The following PDE9A variants were observed in gnomAD, a reference collection of about 807,000 sequenced individuals.
PDE9A encodes high affinity cGMP-specific 3',5'-cyclic phosphodiesterase 9A.
PDE9A carries 60 observed loss-of-function variants against 87.4 expected under a neutral mutation model. The observed-to-expected ratio is 0.69, with a 90% CI of 0.56 to 0.85. The LOEUF is 0.85. Among genes scored for constraint, PDE9A ranks in the 40% least tolerant of loss-of-function variants. PDE9A has a pLI of 0.00. For missense variants in PDE9A, 665 were observed against 779.0 expected, an observed-to-expected ratio of 0.85 and a Z score of 1.74; for synonymous variants, 272 against 279.4, an observed-to-expected ratio of 0.97 and a Z score of 0.27.
chr21:42,657,066 G>A (rs1444353310), intron 1 of PDE9A, among the ~76,000 whole-genome samples: 1 of 152,258 alleles, frequency 6.6e-6, no homozygotes, highest in Non-Finnish European at 1.5e-5. Flanking sequence ...GGGTGGGCCA[G>A]CCCCGTGTGG....
chr21:42,769,234 C>G (rs1355164010), intron 17 of PDE9A, 79 bp downstream of exon 17: 1 of 1,315,944 alleles, frequency 7.6e-7, no homozygotes, highest in Non-Finnish European at 1.1e-6. Context: ...CACATATACA[C>G]ATATGCACAC....
chr21:42,769,134 A>C lies in PDE9A; in HGVS notation c.1569A>C (p.Pro523=), dbSNP rs1240751399. ...GGTTCATCAAGTTTGTCCTGATCCC[A>C]ATGTTTGAAACAGTGACCAAGGTGA... ...QIGFIKFVLI[P]MFETVTKLFP... The change falls in exon 17 of 20, where the codon CCA becomes CCC. Residue 523 remains proline, a synonymous_variant. Coordinates refer to ENST00000291539, the MANE Select transcript of PDE9A (RefSeq NM_002606.3). 1.2e-6 allele frequency: 2 copies of C among 1,613,630 alleles called. No individual in the cohort carries two copies. The highest frequency in any genetic ancestry group is 3.3e-5 in the Admixed American group (2 of 59,970).
intron 4 of PDE9A, among the ~76,000 whole-genome samples, chr21:42,708,176 GAAACA>G (rs1394756438): frequency 6.6e-6 from 1 of 151,950 alleles, no homozygotes; most frequent in Non-Finnish European, 1.5e-5. Context: ...GCATTTTTTT[GAAACA>G]AAAAGACTGC....
intron 4 of PDE9A, among the ~76,000 whole-genome samples, chr21:42,724,331 C>T (rs867933103): frequency 2.7e-4 from 41 of 152,304 alleles, no homozygotes; most frequent in African/African-American, 8.4e-4. Flanking sequence ...GCAGGGCTTA[C>T]GTGGCCAGGG....
At chr21:42,669,991 G>A (rs1227480864) in intron 1 of PDE9A, among the ~76,000 whole-genome samples, 1 of 152,046 alleles carries the variant, frequency 6.6e-6, no homozygotes, top group Non-Finnish European at 1.5e-5. Flanking sequence ...AGATAATGTG[G>A]GTGCTTCAAC....
intron 1 of PDE9A, among the ~76,000 whole-genome samples, chr21:42,665,412 G>A (rs937275844): frequency 2.6e-5 from 4 of 152,036 alleles, no homozygotes; most frequent in East Asian, 1.9e-4. Flanking sequence ...TTAGAAGACC[G>A]TTCAACCTGC....
intron 19 of PDE9A, 38 bp downstream of exon 19, chr21:42,772,558 A>G: frequency 7.4e-7 from 1 of 1,349,884 alleles, no homozygotes; most frequent in South Asian, 1.2e-5. Flanking sequence ...CTCAGCGCAT[A>G]CAATGATTCT....
At chr21:42,725,978 G>A (rs1032990533) in intron 4 of PDE9A, among the ~76,000 whole-genome samples, 9 of 152,104 alleles carry the variant, frequency 5.9e-5, no homozygotes, top group African/African-American at 2.2e-4. Flanking sequence ...GTGTTTCCAC[G>A]GGGGTTGGCA....
intron 8 of PDE9A, among the ~76,000 whole-genome samples, chr21:42,744,180 C>T (rs2053603566): frequency 6.6e-6 from 1 of 152,154 alleles, no homozygotes; most frequent in South Asian, 2.1e-4. Flanking sequence ...TGGTGAAACC[C>T]CGTCTCTACT....
chr21:42,764,886 G>T (rs569125663), intron 14 of PDE9A, among the ~76,000 whole-genome samples: 129 of 152,230 alleles, frequency 8.5e-4, no homozygotes, highest in African/African-American at 3.0e-3. Context: ...ATGGGTTTGG[G>T]TTTTGTATCT....
chr21:42,709,496 GC>G (rs2049120395), intron 4 of PDE9A, among the ~76,000 whole-genome samples: 1 of 152,022 alleles, frequency 6.6e-6, no homozygotes, highest in East Asian at 1.9e-4. Flanking sequence ...GCATGTAACC[GC>G]CACCACAATC....
At chr21:42,756,986 G>A (rs1196705430) in intron 10 of PDE9A, 2 of 152,396 alleles carry the variant, frequency 1.3e-5, no homozygotes, top group Non-Finnish European at 2.9e-5. Flanking sequence ...ACAACATCTG[G>A]GCTGGTCAGG....
intron 4 of PDE9A, among the ~76,000 whole-genome samples, chr21:42,711,258 G>GTTTTT (rs35475222): frequency 7.3e-6 from 1 of 136,486 alleles, no homozygotes. Context: ...AATAAGTTTT[G>GTTTTT]TTTTTTTTTT....
At chr21:42,710,620 TTAA>T (rs1369175025) in intron 4 of PDE9A, among the ~76,000 whole-genome samples, 6 of 152,206 alleles carry the variant, frequency 3.9e-5, no homozygotes, top group Non-Finnish European at 5.9e-5. Context: ...TCCAAGTAAC[TTAA>T]TGATGTTGAA....
chr21:42,770,962 A>G (rs1312227489), intron 18 of PDE9A, among the ~76,000 whole-genome samples, 164 bp downstream of exon 18: 2 of 152,258 alleles, frequency 1.3e-5, no homozygotes, highest in African/African-American at 4.8e-5. Flanking sequence ...CAGTAAAATT[A>G]GGGAATGCGA....
chr21:42,768,385 C>T (rs557952512), intron 16 of PDE9A, 93 bp downstream of exon 16: 36 of 1,038,686 alleles, frequency 3.5e-5, no homozygotes, highest in Non-Finnish European at 4.8e-5. Context: ...TGGGTGGTCC[C>T]GCATATTCCC....
In PDE9A at chr21:42,760,307, C is replaced by T. The variant is rs765739255; in HGVS notation, c.898-21C>T. 1.2e-5 allele frequency: 18 copies of T among 1,477,740 alleles called. No individual in the cohort carries two copies. In the Admixed American group the frequency reaches 1.8e-4, roughly 15 times the overall value. The allele number at this position is 1,477,740 out of a possible 1,614,324, so 91.5% of individuals were successfully genotyped here. A position where few individuals can be genotyped will look rare whatever the true frequency, so the allele number is the denominator to read the frequency against. On this transcript the variant is annotated intron_variant, in intron 11 of 19. Coordinates refer to ENST00000291539, the MANE Select transcript of PDE9A (RefSeq NM_002606.3). This position sits in a 1 kb window ranked among gnomAD's most constrained non-coding sequence, Gnocchi z 5.2. ...GGGCGGGCCCAGGCACAGGGTGACT[C>T]GGACCCCCTGCCTCCCGCAGTTCTG...
rs200634868 is a variant in PDE9A at position 42,753,957 on chromosome 21, G to A, written c.736-33G>A. ...CACATCACTGTCACAGGCCCACGGC[G>A]CCTGGTTAACACGGAACTCCTGTCC... On this transcript the variant is annotated intron_variant, in intron 9 of 19. Coordinates refer to ENST00000291539, the MANE Select transcript of PDE9A (RefSeq NM_002606.3). 91 of 1,330,954 alleles carry A rather than the reference G, an allele frequency of 6.8e-5. No homozygotes were observed. In the South Asian group the frequency reaches 9.8e-4, roughly 14 times the overall value. 82.4% of individuals were successfully genotyped at this position (1,330,954 alleles called of 1,614,324 possible).
At chr21:42,671,917 T>G (rs1208777339) in intron 1 of PDE9A, among the ~76,000 whole-genome samples, 2 of 152,220 alleles carry the variant, frequency 1.3e-5, no homozygotes, top group East Asian at 3.8e-4. Context: ...GCTGATTTGG[T>G]CTGTTCTCTC....
Sources: gnomAD v4.1 joint callset for allele counts (sites outside exome capture counted in the v4.1 genomes callset) on GRCh38, gnomAD v4.1.1 for gene constraint, Gnocchi (gnomAD v3.1) non-coding constraint, MANE v1.5 for transcripts, NCBI Gene and HGNC (gene_info 2026-07-23, HGNC 2026-07-21) for gene names.